Variants in HECW2 observed in about 807,000 individuals in gnomAD.
HECW2 encodes HECT, C2 and WW domain containing E3 ubiquitin protein ligase 2.
A neutral mutation model predicts 175.2 loss-of-function variants in HECW2; 61 were observed. The ratio of observed to expected loss-of-function variants is 0.35; its 90% confidence interval spans 0.28 to 0.43. HECW2 has a LOEUF of 0.43. HECW2 is among the 20% of genes least tolerant of loss of function. The pLI, the probability that HECW2 is intolerant of heterozygous loss-of-function variation, is 1.00. For missense variants in HECW2, 1,524 were observed against 2,000.5 expected, an observed-to-expected ratio of 0.76 and a Z score of 4.54; for synonymous variants, 671 against 731.0, an observed-to-expected ratio of 0.92 and a Z score of 1.32.
intron 14 of HECW2, among the ~76,000 whole-genome samples, chr2:196,280,616 G>C (rs1690150164): frequency 6.6e-6 from 1 of 152,032 alleles, no homozygotes; most frequent in Non-Finnish European, 1.5e-5. Context: ...TCACATCCTG[G>C]GTAATGTTTC....
chr2:196,503,317 C>G (rs1687638916), intron 1 of HECW2, among the ~76,000 whole-genome samples: 1 of 152,178 alleles, frequency 6.6e-6, no homozygotes, highest in South Asian at 2.1e-4. Flanking sequence ...CAGGTGCATA[C>G]ATTCCCTTGG....
chr2:196,497,593 C>A (rs557912835), intron 1 of HECW2, among the ~76,000 whole-genome samples: 2 of 152,284 alleles, frequency 1.3e-5, no homozygotes, highest in South Asian at 4.1e-4. Context: ...CTCTGACCTT[C>A]TCCTATGTTC....
intron 22 of HECW2, among the ~76,000 whole-genome samples, chr2:196,226,273 G>A (rs1207312761): frequency 6.6e-6 from 1 of 151,908 alleles, no homozygotes; most frequent in Non-Finnish European, 1.5e-5. Context: ...TTTGTCATAT[G>A]ATGTGCCTGC....
intron 21 of HECW2, among the ~76,000 whole-genome samples, chr2:196,230,279 C>G (rs1347994283): frequency 1.3e-5 from 2 of 152,218 alleles, no homozygotes; most frequent in Non-Finnish European, 2.9e-5. Flanking sequence ...TCCCGCTGAC[C>G]TACTTCTGGC....
chr2:196,433,680 C>A (rs921310069), intron 1 of HECW2, among the ~76,000 whole-genome samples: 1 of 152,120 alleles, frequency 6.6e-6, no homozygotes, highest in Non-Finnish European at 1.5e-5. Flanking sequence ...ATGCCTGCGA[C>A]CCTCGATTTC....
intron 2 of HECW2, among the ~76,000 whole-genome samples, chr2:196,426,293 C>T (rs1238692874): frequency 6.6e-6 from 1 of 152,092 alleles, no homozygotes; most frequent in African/African-American, 2.4e-5. Flanking sequence ...GATCCAGAAC[C>T]GAAACCACAC....
intron 1 of HECW2, among the ~76,000 whole-genome samples, chr2:196,455,237 T>C (rs919566832): frequency 5.9e-5 from 9 of 152,222 alleles, no homozygotes; most frequent in Admixed American, 2.6e-4. Flanking sequence ...TTTCACCATG[T>C]TGGCCAGGAT....
chr2:196,376,635 T>TAAAA (rs33989452), intron 2 of HECW2, among the ~76,000 whole-genome samples: 2,774 of 133,050 alleles, frequency 0.021, 98 homozygotes, highest in African/African-American at 0.081. Flanking sequence ...GACTCTGTCA[T>TAAAA]AAAAAAAAAA....
chr2:196,274,786 T>C (rs1472017524), intron 15 of HECW2, among the ~76,000 whole-genome samples: 3 of 152,186 alleles, frequency 2.0e-5, no homozygotes, highest in Non-Finnish European at 4.4e-5. Context: ...GCACCTAATA[T>C]AGATTTAGAA....
intron 2 of HECW2, among the ~76,000 whole-genome samples, chr2:196,387,005 A>G (rs1694369679): frequency 6.6e-6 from 1 of 152,106 alleles, no homozygotes. Context: ...TCATGAGAAT[A>G]ATGCATGGTG....
intron 1 of HECW2, among the ~76,000 whole-genome samples, chr2:196,454,127 T>C (rs1423111799): frequency 6.6e-6 from 1 of 152,106 alleles, no homozygotes; most frequent in Non-Finnish European, 1.5e-5. Context: ...TTATGGCTAA[T>C]TTTTGTATTT....
At chr2:196,262,584 G>A (rs75004691) in intron 17 of HECW2, among the ~76,000 whole-genome samples, 3 of 145,320 alleles carry the variant, frequency 2.1e-5, no homozygotes, top group African/African-American at 5.1e-5. Context: ...TTTTTTTTTT[G>A]AGATGGAGTC....
At position 196,199,749 on chromosome 2, in the gene HECW2, T is replaced by C. The variant is rs1467927431; in HGVS notation, c.*1528A>G. ...TCAAGAAATAAACAAAGATGTGGAG[T>C]AATCCCAAAAGCAATTAAAATGAAG... On this transcript the variant is annotated 3_prime_UTR_variant, in exon 29 of 29. Coordinates refer to ENST00000644978, the MANE Select transcript of HECW2 (RefSeq NM_001348768.2). 6.6e-6 allele frequency: 1 copy of C among 152,076 alleles called. No homozygotes were observed. Among genetic ancestry groups the C allele is most frequent in the Admixed American group, 6.5e-5 (1 of 15,268 alleles). 9.4% of individuals were successfully genotyped at this position (152,076 alleles called of 1,614,324 possible). A position where few individuals can be genotyped will look rare whatever the true frequency, so the allele number is the denominator to read the frequency against.
intron 1 of HECW2, among the ~76,000 whole-genome samples, chr2:196,539,069 G>C (rs758590237): frequency 6.6e-6 from 1 of 152,234 alleles, no homozygotes; most frequent in African/African-American, 2.4e-5. Flanking sequence ...CAAAAGGCAT[G>C]AATAGTGGCA....
intron 1 of HECW2, among the ~76,000 whole-genome samples, chr2:196,583,236 A>T (rs952799749): frequency 2.6e-5 from 4 of 152,170 alleles, no homozygotes; most frequent in Non-Finnish European, 5.9e-5. Flanking sequence ...ACTCCTGCAG[A>T]GGTATCTTCT....
intron 2 of HECW2, among the ~76,000 whole-genome samples, chr2:196,363,982 G>A (rs969768621): frequency 1.3e-5 from 2 of 152,330 alleles, no homozygotes; most frequent in Non-Finnish European, 2.9e-5. Flanking sequence ...CAGGAATAGA[G>A]TATCATCTTG....
chr2:196,501,251 T>C (rs1172399858), intron 1 of HECW2, among the ~76,000 whole-genome samples: 2 of 152,152 alleles, frequency 1.3e-5, no homozygotes, highest in Non-Finnish European at 2.9e-5. Flanking sequence ...AAAGAGACAG[T>C]TGGAAGGGAT....
At chr2:196,270,740 C>T (rs1044313703) in intron 17 of HECW2, among the ~76,000 whole-genome samples, 1 of 151,080 alleles carries the variant, frequency 6.6e-6, no homozygotes, top group Non-Finnish European at 1.5e-5. Flanking sequence ...CTCACTCTGT[C>T]GCCAGGCTGG....
chr2:196,235,648 CTTTTTTT>C (rs757874073), intron 21 of HECW2, among the ~76,000 whole-genome samples: 8 of 78,898 alleles, frequency 1.0e-4, no homozygotes, highest in Non-Finnish European at 1.7e-4. Flanking sequence ...ATGCATTATT[CTTTTTTT>C]TTTTTTTTTT....
Sources: gnomAD v4.1 joint callset for allele counts (sites outside exome capture counted in the v4.1 genomes callset) on GRCh38, gnomAD v4.1.1 for gene constraint, MANE v1.5 for transcripts, NCBI Gene and HGNC (gene_info 2026-07-23, HGNC 2026-07-21) for gene names.